Variants in PARN observed in about 807,000 individuals in gnomAD.
PARN encodes the protein poly(A)-specific ribonuclease PARN.
Under a neutral mutation model 102.8 loss-of-function variants are expected in PARN, and 71 were observed. That is an observed-to-expected ratio of 0.69 (90% CI 0.57 to 0.84). PARN has a LOEUF of 0.84. Among genes scored for constraint, PARN ranks in the 40% least tolerant of loss-of-function variants. PARN has a pLI of 0.00. For synonymous variants in PARN, 261 were observed against 252.9 expected (o/e 1.03, Z -0.30); for missense variants, 782 against 760.9 (o/e 1.03, Z -0.33).
intron 22 of PARN, among the ~76,000 whole-genome samples, chr16:14,463,397 T>C (rs1054699052): frequency 2.6e-5 from 4 of 152,076 alleles, no homozygotes; most frequent in African/African-American, 4.8e-5. Context: ...CTGTAGGAGA[T>C]AGCTTAAAAA....
chr16:14,593,340 G>A lies in PARN; in HGVS notation c.879C>T (p.Val293=), dbSNP rs1970310042. 7.5e-6 allele frequency: 12 copies of A among 1,607,438 alleles called. No individual in the cohort carries two copies. The highest frequency in any genetic ancestry group is 1.0e-5 in the Non-Finnish European group (12 of 1,174,064). Residue 293 remains valine (V), a synonymous_variant, in exon 13 of 24, where the codon GTC becomes GTT. Transcript: ENST00000437198. ...LVIGHNMLLD[V]MHTVHQFYCP... ...AGTAGAACTGATGAACTGTGTGCAT[G>A]ACGTCCAAGAGCATATTGTGTCCAA...
chr16:14,494,357 C>T (rs1964204177), intron 21 of PARN, among the ~76,000 whole-genome samples: 1 of 152,212 alleles, frequency 6.6e-6, no homozygotes, highest in African/African-American at 2.4e-5. Context: ...CACAGACCAT[C>T]ACCCACGGGC....
At chr16:14,577,334 A>G (rs1438065851) in intron 18 of PARN, among the ~76,000 whole-genome samples, 1 of 152,212 alleles carries the variant, frequency 6.6e-6, no homozygotes, top group Non-Finnish European at 1.5e-5. Context: ...ATCACCTGCA[A>G]GTAAGTAAAA....
intron 5 of PARN, among the ~76,000 whole-genome samples, chr16:14,620,732 T>TGA (rs1972242703): frequency 6.6e-6 from 1 of 152,216 alleles, no homozygotes; most frequent in East Asian, 1.9e-4. Flanking sequence ...TTCTGAGGTC[T>TGA]CTATTCTGGG....
intron 21 of PARN, among the ~76,000 whole-genome samples, chr16:14,488,882 A>AAC (rs1963892419): frequency 6.6e-6 from 1 of 152,196 alleles, no homozygotes; most frequent in African/African-American, 2.4e-5. Context: ...CAAAAAAAAA[A>AAC]AACTGTTCAT....
intron 22 of PARN, among the ~76,000 whole-genome samples, chr16:14,459,385 A>G (rs1306462193): frequency 6.6e-6 from 1 of 152,238 alleles, no homozygotes; most frequent in East Asian, 1.9e-4. Flanking sequence ...GCAATAAATG[A>G]CTGGAAGTGG....
chr16:14,591,443 T>C (rs1970188319), intron 13 of PARN, among the ~76,000 whole-genome samples: 1 of 151,616 alleles, frequency 6.6e-6, no homozygotes, highest in African/African-American at 2.4e-5. Context: ...TCCAGTGGCA[T>C]ACTATGGTCC....
chr16:14,464,354 G>T (rs1315088648), intron 22 of PARN, among the ~76,000 whole-genome samples: 2 of 152,190 alleles, frequency 1.3e-5, no homozygotes, highest in East Asian at 3.8e-4. Context: ...ACAGATTTCT[G>T]TCGAGAAATA....
intron 21 of PARN, among the ~76,000 whole-genome samples, chr16:14,520,233 G>C (rs1965666116): frequency 6.6e-6 from 1 of 152,176 alleles, no homozygotes; most frequent in African/African-American, 2.4e-5. Context: ...GAGACACACT[G>C]ATAGATTAAG....
At position 14,527,361 on chromosome 16, in the gene PARN, C is replaced by T. The variant is rs948108468; in HGVS notation, c.1480+24660G>A. Among the ~76,000 whole-genome samples, 4 of 152,212 alleles carry T rather than the reference C, an allele frequency of 2.6e-5. No homozygotes were observed. In the East Asian group the frequency reaches 5.8e-4, roughly 22 times the overall value. ...AACCCTTCTCTATCTATAAAACCAA[C>T]CTCCTCTGCCCAGCTCATTGGAACG... On this transcript the variant is annotated intron_variant, in intron 21 of 23. Transcript: ENST00000437198.
Position 14,493,698 on chromosome 16 carries a change from A to G in PARN, c.1481-10871T>C, listed in dbSNP as rs572590460. 1.6e-4 allele frequency among the ~76,000 whole-genome samples: 25 copies of G among 152,338 alleles called. No homozygotes were observed. The South Asian group carries it at 5.0e-3, about 30-fold the overall frequency. On this transcript the variant is annotated intron_variant, in intron 21 of 23. Coordinates refer to ENST00000437198, the MANE Select transcript of PARN (RefSeq NM_002582.4). ...TAATCTCAACATGAGCAGGGGCAGC[A>G]GCAAAGGCGACAATAAATACAAGCT...
rs761410045 is a variant in PARN at position 14,552,053 on chromosome 16, A to G, written c.1448T>C (p.Val483Ala). Residue 483 changes from valine to alanine, a missense_variant, in exon 21 of 24, where the codon GTT becomes GCT. Physicochemically the swap from Val to Ala is moderately conservative, Grantham distance 64. Transcript: ENST00000437198. The stretch of plus-strand genomic sequence containing the variant: ...TACTTGCTCGGGCTGGCTAAGGGAA[A>G]CAAATGCTGATGTGTCATCAATCCA... ...ISWIDDTSAF[V>A]SLSQPEQVKI... The G allele has an allele frequency of 6.2e-7, 1 of 1,612,796 alleles. No homozygotes were observed. The highest frequency in any genetic ancestry group is 1.1e-5 in the South Asian group (1 of 90,982).
intron 22 of PARN, among the ~76,000 whole-genome samples, chr16:14,467,403 A>G (rs1962425638): frequency 6.6e-6 from 1 of 152,012 alleles, no homozygotes. Context: ...GTTTGTGAAG[A>G]CTCTTCCGGG....
At chr16:14,559,845 C>T (rs1022004002) in intron 18 of PARN, among the ~76,000 whole-genome samples, 1 of 152,158 alleles carries the variant, frequency 6.6e-6, no homozygotes, top group African/African-American at 2.4e-5. Context: ...CGGAAGAACA[C>T]GAAAACCAAC....
chr16:14,444,777 T>G (rs1254124116), intron 23 of PARN, among the ~76,000 whole-genome samples: 1 of 152,192 alleles, frequency 6.6e-6, no homozygotes, highest in Non-Finnish European at 1.5e-5. Context: ...GTATGAAATT[T>G]GAAGACTAAG....
intron 21 of PARN, among the ~76,000 whole-genome samples, chr16:14,485,601 T>G (rs556237747): frequency 6.6e-6 from 1 of 152,232 alleles, no homozygotes; most frequent in Non-Finnish European, 1.5e-5. Context: ...CCATCATTAT[T>G]CTGTACCAAT....
intron 6 of PARN, among the ~76,000 whole-genome samples, chr16:14,611,230 G>A (rs1308591525): frequency 2.0e-5 from 3 of 152,176 alleles, no homozygotes; most frequent in African/African-American, 7.2e-5. Flanking sequence ...ACATGGAAAT[G>A]GCTTGGACGG....
Position 14,468,925 on chromosome 16 carries a change from A to AG in PARN, c.1670+13712_1670+13713insC, listed in dbSNP as rs1555481203. Reference sequence around the variant, plus strand: ...TAGATAGATAGATAGATAGATAGATAAAATAAAATAAAGATAAAACATTTG... The same window carrying AG: ...TAGATAGATAGATAGATAGATAGATAGAAATAAAATAAAGATAAAACATTTG... On this transcript the variant is annotated intron_variant, in intron 22 of 23. Coordinates refer to ENST00000437198, the MANE Select transcript of PARN (RefSeq NM_002582.4). 2.7e-5 allele frequency among the ~76,000 whole-genome samples: 4 copies of AG among 146,076 alleles called. No homozygotes were observed. In the Admixed American group the frequency reaches 2.8e-4, roughly 10 times the overall value.
intron 22 of PARN, among the ~76,000 whole-genome samples, chr16:14,471,313 G>A (rs533567041): frequency 2.6e-5 from 4 of 152,234 alleles, no homozygotes; most frequent in Admixed American, 1.3e-4. Flanking sequence ...AGCAGTAACT[G>A]AAAATTATGA....
Sources: allele counts gnomAD v4.1 joint callset (sites outside exome capture counted in the v4.1 genomes callset), GRCh38; gene constraint gnomAD v4.1.1; transcripts MANE v1.5; gene names NCBI Gene and HGNC (gene_info 2026-07-23, HGNC 2026-07-21).